Variants in DOCK9 observed in about 807,000 individuals in gnomAD.
The protein encoded by DOCK9 is dedicator of cytokinesis protein 9.
Under a neutral mutation model 263.3 loss-of-function variants are expected in DOCK9, and 89 were observed. The observed-to-expected ratio is 0.34, with a 90% CI of 0.28 to 0.40. DOCK9 has a LOEUF of 0.40. Among genes scored for constraint, DOCK9 ranks in the 10% least tolerant of loss-of-function variants. DOCK9 has a pLI of 1.00. For synonymous variants in DOCK9, 976 were observed against 973.1 expected, an observed-to-expected ratio of 1.00 and a Z score of -0.06; for missense variants, 2,140 against 2,603.4, an observed-to-expected ratio of 0.82 and a Z score of 3.87.
At chr13:98,831,016 A>T (rs906519939) in intron 41 of DOCK9, among the ~76,000 whole-genome samples, 1 of 152,180 alleles carries the variant, frequency 6.6e-6, no homozygotes, top group Non-Finnish European at 1.5e-5. Flanking sequence ...GAAAAGAACC[A>T]CTTAGGTTGG....
At chr13:98,814,432 G>A (rs1486595539) in intron 45 of DOCK9, among the ~76,000 whole-genome samples, 1 of 138,016 alleles carries the variant, frequency 7.2e-6, no homozygotes, top group Non-Finnish European at 1.6e-5. Flanking sequence ...TGAGACAAGA[G>A]TCTCATTCTG....
chr13:99,086,820 G>T (rs1193031105), upstream of DOCK9, among the ~76,000 whole-genome samples: 3 of 150,366 alleles, frequency 2.0e-5, no homozygotes, highest in Non-Finnish European at 3.0e-5. Flanking sequence ...TGGCAGGGGC[G>T]GCGTGCCGCG....
chr13:98,919,643 G>T (rs1212929919), intron 7 of DOCK9, among the ~76,000 whole-genome samples: 1 of 152,178 alleles, frequency 6.6e-6, no homozygotes, highest in Non-Finnish European at 1.5e-5. Flanking sequence ...TAGGAAGATT[G>T]TTCATCAACC....
intron 1 of DOCK9, chr13:99,015,833 CA>C (rs1885322957): frequency 8.3e-7 from 1 of 1,199,776 alleles, no homozygotes; most frequent in African/African-American, 1.6e-5. Flanking sequence ...GTGGTGCAAA[CA>C]CAAGATGACA....
At chr13:99,000,441 TGCTTGGCAGAGTA>T (rs1204770905) in intron 1 of DOCK9, among the ~76,000 whole-genome samples, 1 of 152,184 alleles carries the variant, frequency 6.6e-6, no homozygotes, top group Non-Finnish European at 1.5e-5. Flanking sequence ...CCTGAGGGCT[TGCTTGGCAGAGTA>T]GCTTAGTAGA....
chr13:99,063,023 C>T (rs534287388), intron 1 of DOCK9, among the ~76,000 whole-genome samples: 3 of 152,120 alleles, frequency 2.0e-5, no homozygotes, highest in Admixed American at 6.5e-5. Flanking sequence ...GATAAGGGAC[C>T]GAATTAGGAA....
At chr13:98,993,234 AAATG>A (rs1371071260) in intron 1 of DOCK9, among the ~76,000 whole-genome samples, 3 of 152,228 alleles carry the variant, frequency 2.0e-5, no homozygotes, top group Non-Finnish European at 4.4e-5. Flanking sequence ...ATTCCTGGGT[AAATG>A]ACAGGGGCAT....
rs1458705107 is a variant in DOCK9, at chr13:98,914,345, G to A, written c.943C>T (p.Leu315=). The part of the protein sequence containing the change: ...EGSGSGLDSY[L]PELAKSAREA... The stretch of plus-strand genomic sequence containing the variant: ...GATGTTACCTTGGCAAGTTCCGGCA[G>A]GTAGCTATCTAAACCGGAACCAGAA... Residue 315 remains leucine, a synonymous_variant, in exon 9 of 53, where the codon CTG becomes TTG. Coordinates refer to ENST00000682017, the MANE Select transcript of DOCK9 (RefSeq NM_001366683.2). 1 of 1,609,562 alleles carries A rather than the reference G, an allele frequency of 6.2e-7. No homozygotes were observed. The highest frequency in any genetic ancestry group is 2.2e-5 in the East Asian group (1 of 44,744).
chr13:98,825,958 C>T lies in DOCK9; in HGVS notation c.5023+872G>A. The T allele has an allele frequency of 1.3e-6, 2 of 1,516,778 alleles. No individual in the cohort carries two copies. The highest frequency in any genetic ancestry group is 1.8e-6 in the Non-Finnish European group (2 of 1,128,448). 94.0% of individuals were successfully genotyped at this position (1,516,778 alleles called of 1,614,324 possible). A position where few individuals can be genotyped will look rare whatever the true frequency, so the allele number is the denominator to read the frequency against. ...GACTGCTTCTAAACATGAGGAAATG[C>T]ATCACCTGATAAAAGGTCTCAACAG... On this transcript the variant is annotated intron_variant, in intron 44 of 52. Transcript: ENST00000682017. The surrounding 1 kb of genome is among the most constrained non-coding windows in gnomAD (Gnocchi z 4.1).
rs554659819 is a variant in DOCK9, at chr13:98,925,516, C to T, written c.416+321G>A. Among the ~76,000 whole-genome samples the T allele has an allele frequency of 4.6e-5, 7 of 152,226 alleles. No homozygotes were observed. The South Asian group carries it at 1.2e-3, about 27-fold the overall frequency. On this transcript the variant is annotated intron_variant, in intron 4 of 52. Coordinates refer to ENST00000682017, the MANE Select transcript of DOCK9 (RefSeq NM_001366683.2). ...TTTTCAAGGAAAAAATGCACTGCAG[C>T]ATATTTCAGTACACTTACGTTTTGT...
At position 98,794,545 on chromosome 13, in the gene DOCK9, C is replaced by G. The variant is rs2089090139; in HGVS notation, c.*81G>C. On this transcript the variant is annotated 3_prime_UTR_variant, in exon 53 of 53. Transcript: ENST00000682017. Reference sequence around the variant, plus strand: ...CCCCTTGGTCCTCCCTGTGCTCGGTCTCCCCAGTGATTGGCTTTGGAAAGC... The same window carrying G: ...CCCCTTGGTCCTCCCTGTGCTCGGTGTCCCCAGTGATTGGCTTTGGAAAGC... 2.0e-6 allele frequency: 3 copies of G among 1,470,772 alleles called. No individual in the cohort carries two copies. The highest frequency in any genetic ancestry group is 1.8e-4 in the Middle Eastern group (1 of 5,476). The allele number at this position is 1,470,772 out of a possible 1,614,324, so 91.1% of individuals were successfully genotyped here.
At chr13:98,867,364 T>C (rs1430646095) in intron 30 of DOCK9, 61 bp downstream of exon 30, 4 of 954,148 alleles carry the variant, frequency 4.2e-6, no homozygotes, top group African/African-American at 3.4e-5. Context: ...CAATTATCTT[T>C]TCTTATTGAA....
chr13:99,021,792 T>C (rs568037444), intron 1 of DOCK9, among the ~76,000 whole-genome samples: 2 of 151,490 alleles, frequency 1.3e-5, no homozygotes, highest in South Asian at 4.2e-4. Flanking sequence ...TAAGTGGGAG[T>C]TGAACACCGG....
At chr13:98,909,538 G>A (rs2049677047) in intron 9 of DOCK9, among the ~76,000 whole-genome samples, 1 of 152,114 alleles carries the variant, frequency 6.6e-6, no homozygotes, top group South Asian at 2.1e-4. Context: ...AAAATGTTTT[G>A]AGGCCAAAAT....
In DOCK9 at chr13:99,045,958, G is replaced by A. The variant is rs559741146; in HGVS notation, c.129+40265C>T. On this transcript the variant is annotated intron_variant, in intron 1 of 32. Transcript: ENST00000427887. ...ATACAAAAAAAAAAAAAAATTAGCC[G>A]GGTTTGATGGCACGTGCCTGTAGTC... Among the ~76,000 whole-genome samples, 41 of 151,926 alleles carry A rather than the reference G, an allele frequency of 2.7e-4. No homozygotes were observed. The East Asian group carries it at 5.2e-3, about 19-fold the overall frequency.
intron 49 of DOCK9, among the ~76,000 whole-genome samples, chr13:98,802,497 G>T (rs373014025): frequency 6.6e-6 from 1 of 152,212 alleles, no homozygotes; most frequent in Non-Finnish European, 1.5e-5. Context: ...GTCTTGAATA[G>T]AAAGTGGAGG....
At chr13:98,868,186 C>T (rs1279302110) in intron 28 of DOCK9, 45 bp downstream of exon 28, 2 of 1,606,288 alleles carry the variant, frequency 1.2e-6, no homozygotes, top group Non-Finnish European at 1.7e-6. Flanking sequence ...GTAAAAAGCA[C>T]ATCTTTGTCC....
At chr13:99,015,850 C>G in intron 1 of DOCK9, 1 of 1,090,674 alleles carries the variant, frequency 9.2e-7, no homozygotes, top group Non-Finnish European at 1.2e-6. Flanking sequence ...TGACACACCT[C>G]GGATGCACCA....
At chr13:98,920,556 T>C (rs943646714) in intron 7 of DOCK9, among the ~76,000 whole-genome samples, 1 of 152,248 alleles carries the variant, frequency 6.6e-6, no homozygotes, top group African/African-American at 2.4e-5. Context: ...TTTACTGATC[T>C]ACACCGCCAC....
Sources: allele counts gnomAD v4.1 joint callset (sites outside exome capture counted in the v4.1 genomes callset), GRCh38; gene constraint gnomAD v4.1.1; non-coding constraint Gnocchi (gnomAD v3.1); transcripts MANE v1.5; gene names NCBI Gene and HGNC (gene_info 2026-07-23, HGNC 2026-07-21).